ANKRD44: variants seen among roughly 807,000 people sequenced by gnomAD.
ANKRD44 encodes serine/threonine-protein phosphatase 6 regulatory ankyrin repeat subunit B.
In ANKRD44, 35 loss-of-function variants were observed where a neutral mutation model predicts 116.0. The ratio of observed to expected loss-of-function variants is 0.30; its 90% CI spans 0.23 to 0.40. The LOEUF is 0.40. Among genes scored for constraint, ANKRD44 ranks in the 10% least tolerant of loss-of-function variants. The pLI, the probability that ANKRD44 is intolerant of heterozygous loss-of-function variation, is 1.00. For synonymous variants in ANKRD44, 435 were observed against 461.8 expected, an observed-to-expected ratio of 0.94 and a Z score of 0.74; for missense variants, 1,014 against 1,242.6, an observed-to-expected ratio of 0.82 and a Z score of 2.77.
chr2:197,129,253 C>T (rs1187950985), intron 4 of ANKRD44, among the ~76,000 whole-genome samples: 2 of 152,016 alleles, frequency 1.3e-5, no homozygotes, highest in African/African-American at 4.8e-5. Context: ...CCTGCCTCAG[C>T]CTCCTGAGTA....
At chr2:197,118,631 GAGAGAGAGAA>G (rs1244532366) in intron 8 of ANKRD44, among the ~76,000 whole-genome samples, 11 of 143,716 alleles carry the variant, frequency 7.7e-5, no homozygotes, top group African/African-American at 2.9e-4. Context: ...GAGAGAGAGA[GAGAGAGAGAA>G]AGAAAGAAAG....
At chr2:197,286,607 A>T (rs1456174149) in intron 1 of ANKRD44, among the ~76,000 whole-genome samples, 2 of 151,844 alleles carry the variant, frequency 1.3e-5, no homozygotes, top group South Asian at 2.1e-4. Context: ...TGAACTCATG[A>T]CCTCAAGTGA....
At chr2:197,115,413 A>G (rs2078684113) in intron 8 of ANKRD44, among the ~76,000 whole-genome samples, 3 of 152,236 alleles carry the variant, frequency 2.0e-5, no homozygotes, top group Admixed American at 2.0e-4. Context: ...TCAATTGATT[A>G]TTGTATCAGT....
At chr2:196,969,877 C>G (rs911120303) in intron 21 of ANKRD44, among the ~76,000 whole-genome samples, 148 of 152,196 alleles carry the variant, frequency 9.7e-4, no homozygotes, top group African/African-American at 3.4e-3. Flanking sequence ...TAAGAACCAT[C>G]AAAATATTAA....
intron 1 of ANKRD44, among the ~76,000 whole-genome samples, chr2:197,283,840 G>T (rs1420560811): frequency 6.6e-6 from 1 of 152,184 alleles, no homozygotes; most frequent in African/African-American, 2.4e-5. Context: ...GGCTTGAGTA[G>T]TCTAGCGCAA....
intron 1 of ANKRD44, among the ~76,000 whole-genome samples, chr2:197,261,174 T>A (rs901186480): frequency 2.0e-5 from 3 of 151,394 alleles, no homozygotes; most frequent in Non-Finnish European, 4.4e-5. Flanking sequence ...CTGAATGGTA[T>A]TGCCTAGGTT....
chr2:197,119,395 C>T (rs535998886), intron 8 of ANKRD44, among the ~76,000 whole-genome samples: 1 of 152,120 alleles, frequency 6.6e-6, no homozygotes, highest in South Asian at 2.1e-4. Flanking sequence ...ATTTCTGGCT[C>T]CTTTCTGTCA....
intron 17 of ANKRD44, among the ~76,000 whole-genome samples, chr2:197,023,496 C>G (rs2076535253): frequency 6.6e-6 from 1 of 152,070 alleles, no homozygotes; most frequent in Non-Finnish European, 1.5e-5. Flanking sequence ...AATGATATCA[C>G]CACCCTATCT....
chr2:197,063,338 C>T (rs1234216003), intron 16 of ANKRD44, among the ~76,000 whole-genome samples: 2 of 151,686 alleles, frequency 1.3e-5, no homozygotes, highest in East Asian at 1.9e-4. Flanking sequence ...GTAGATAAAA[C>T]CACAAAGATG....
intron 1 of ANKRD44, among the ~76,000 whole-genome samples, chr2:197,187,678 C>G (rs2080717282): frequency 1.3e-5 from 2 of 149,650 alleles, no homozygotes. Flanking sequence ...CTCTCTCTCT[C>G]CCTCTTCTTC....
At chr2:197,220,782 T>C (rs2081567664) in intron 1 of ANKRD44, among the ~76,000 whole-genome samples, 1 of 152,210 alleles carries the variant, frequency 6.6e-6, no homozygotes, top group Non-Finnish European at 1.5e-5. Flanking sequence ...ACAGCCTTTA[T>C]TAAAGGGGCA....
intron 1 of ANKRD44, among the ~76,000 whole-genome samples, chr2:197,287,365 T>A (rs967520197): frequency 6.6e-6 from 1 of 152,210 alleles, no homozygotes; most frequent in Non-Finnish European, 1.5e-5. Context: ...TTAATTCTCC[T>A]GCAGCCAGAA....
At chr2:197,109,553 CTTCTT>C (rs1244200607) in intron 9 of ANKRD44, among the ~76,000 whole-genome samples, 3 of 152,186 alleles carry the variant, frequency 2.0e-5, no homozygotes, top group African/African-American at 7.2e-5. Flanking sequence ...TGTCAAATGA[CTTCTT>C]TGTTTTATGT....
intron 4 of ANKRD44, among the ~76,000 whole-genome samples, chr2:197,130,146 T>C (rs1205982039): frequency 2.0e-5 from 3 of 152,220 alleles, no homozygotes; most frequent in Non-Finnish European, 4.4e-5. Flanking sequence ...TATATTACTG[T>C]AATCATAGCA....
intron 2 of ANKRD44, among the ~76,000 whole-genome samples, chr2:197,170,898 G>A (rs977326368): frequency 2.6e-5 from 4 of 152,152 alleles, no homozygotes; most frequent in South Asian, 2.1e-4. Flanking sequence ...TGATGGGGCC[G>A]GGGGTGGTGG....
chr2:197,226,667 A>C (rs993871114), intron 1 of ANKRD44, among the ~76,000 whole-genome samples: 18 of 152,030 alleles, frequency 1.2e-4, no homozygotes, highest in Non-Finnish European at 2.4e-4. Flanking sequence ...GTCTCAAAAA[A>C]AAAAGTTTCC....
chr2:197,161,032 A>T (rs1049019789), intron 2 of ANKRD44, among the ~76,000 whole-genome samples: 1 of 152,004 alleles, frequency 6.6e-6, no homozygotes, highest in Non-Finnish European at 1.5e-5. Flanking sequence ...CTGTATCAAC[A>T]AAAAAAAGGA....
chr2:197,234,924 A>C (rs1574329216), intron 1 of ANKRD44, among the ~76,000 whole-genome samples: 1 of 152,212 alleles, frequency 6.6e-6, no homozygotes, highest in Admixed American at 6.5e-5. Context: ...CCTTTTAAGA[A>C]GAGGCTGAAG....
chr2:197,272,310 C>G (rs1426998951), intron 1 of ANKRD44, among the ~76,000 whole-genome samples: 2 of 152,342 alleles, frequency 1.3e-5, no homozygotes, highest in Non-Finnish European at 1.5e-5. Flanking sequence ...ACGATCTCAG[C>G]TCACTGCAAC....
Sources: allele counts gnomAD v4.1 joint callset (sites outside exome capture counted in the v4.1 genomes callset), GRCh38; gene constraint gnomAD v4.1.1; transcripts MANE v1.5; gene names NCBI Gene and HGNC (gene_info 2026-07-23, HGNC 2026-07-21).